KCNJ6: variants seen among roughly 807,000 people sequenced by gnomAD.
The protein encoded by KCNJ6 is potassium inwardly rectifying channel subfamily J member 6, also known as G protein-activated inward rectifier potassium channel 2.
KCNJ6 carries 9 observed loss-of-function variants against 34.2 expected under a neutral mutation model. The ratio of observed to expected loss-of-function variants is 0.26; its 90% CI spans 0.16 to 0.46. The LOEUF (loss-of-function observed/expected upper bound fraction) is 0.46. Ranked by LOEUF, KCNJ6 falls within the 20% of genes least tolerant of loss-of-function variation. The probability of loss-of-function intolerance (pLI) is 1.00; values close to 1 mark genes in which losing one functional copy is unlikely to be tolerated. For synonymous variants in KCNJ6, 196 were observed against 207.1 expected (o/e 0.95, Z 0.46); for missense variants, 236 against 531.3 (o/e 0.44, Z 5.46).
intron 2 of KCNJ6, among the ~76,000 whole-genome samples, chr21:37,748,059 G>T (rs2835928): frequency 0.21 from 32,536 of 152,050 alleles, 4,151 homozygotes; most frequent in East Asian, 0.35. Flanking sequence ...AATGTGTTGT[G>T]CAGACTTAGT....
chr21:37,796,779 C>CTTTCTTT (rs1299616786), intron 2 of KCNJ6, among the ~76,000 whole-genome samples: 5 of 71,474 alleles, frequency 7.0e-5, no homozygotes, highest in African/African-American at 2.5e-4. Flanking sequence ...TTCTTTCTTT[C>CTTTCTTT]TTTTTTTTTT....
chr21:37,754,858 C>G (rs1432319576), intron 2 of KCNJ6, among the ~76,000 whole-genome samples: 1 of 152,266 alleles, frequency 6.6e-6, no homozygotes. Context: ...GGGGCTGTTC[C>G]TAGGACTTGA....
chr21:37,762,658 C>A (rs570037846), intron 2 of KCNJ6, among the ~76,000 whole-genome samples: 1 of 152,136 alleles, frequency 6.6e-6, no homozygotes, highest in Non-Finnish European at 1.5e-5. Flanking sequence ...AGTGGGCTCA[C>A]CACGATGACA....
intron 1 of KCNJ6, among the ~76,000 whole-genome samples, chr21:37,880,899 A>G (rs1347322449): frequency 6.6e-6 from 1 of 152,208 alleles, no homozygotes; most frequent in Non-Finnish European, 1.5e-5. Context: ...CTTCAAAAGA[A>G]TTCAGAGAAC....
chr21:37,714,161 T>C lies in KCNJ6; in HGVS notation c.946+50A>G. ...AATAGATAAGAACATCAGGTCCAGT[T>C]TAAAATGAGCATCTATCCCACAGCC... is the stretch of plus-strand genomic sequence containing the variant. On this transcript the variant is annotated intron_variant, in intron 3 of 3. Coordinates refer to ENST00000609713, the MANE Select transcript of KCNJ6 (RefSeq NM_002240.5). This position sits in a 1 kb window ranked among gnomAD's most constrained non-coding sequence, Gnocchi z 5.9. The C allele has an allele frequency of 7.5e-7, 1 of 1,325,426 alleles. No individual in the cohort carries two copies. The highest frequency in any genetic ancestry group is 1.3e-5 in the South Asian group (1 of 76,676). 82.1% of individuals were successfully genotyped at this position (1,325,426 alleles called of 1,614,324 possible). A position where few individuals can be genotyped will look rare whatever the true frequency, so the allele number is the denominator to read the frequency against.
intron 2 of KCNJ6, among the ~76,000 whole-genome samples, chr21:37,837,424 G>C (rs2055457391): frequency 6.6e-6 from 1 of 152,072 alleles, no homozygotes; most frequent in African/African-American, 2.4e-5. Context: ...TGACTTTTTG[G>C]AGGTGGTTGA....
Position 37,715,150 on chromosome 21 carries a change from G to C in KCNJ6, c.26-19C>G, listed in dbSNP as rs181014343. ...ACGTTAGCTGGTGGTTTGGAGAAAA[G>C]AAAAGAAACACTGAATGAAAGGCTG... On this transcript the variant is annotated intron_variant, in intron 2 of 3. Transcript: ENST00000609713. 33 of 1,592,966 alleles carry C rather than the reference G, an allele frequency of 2.1e-5. No homozygotes were observed. In the East Asian group the frequency reaches 7.2e-4, roughly 35 times the overall value.
At chr21:37,635,738 A>C (rs1421294800) in intron 3 of KCNJ6, among the ~76,000 whole-genome samples, 1 of 152,094 alleles carries the variant, frequency 6.6e-6, no homozygotes, top group African/African-American at 2.4e-5. Context: ...GCTGGTCACG[A>C]GTTTCCAAGC....
intron 1 of KCNJ6, among the ~76,000 whole-genome samples, chr21:37,906,060 G>A (rs1016012994): frequency 6.6e-6 from 1 of 152,104 alleles, no homozygotes; most frequent in South Asian, 2.1e-4. Context: ...TTTATTTAAA[G>A]GATAATAAAT....
intron 2 of KCNJ6, among the ~76,000 whole-genome samples, chr21:37,741,251 C>T (rs1395148695): frequency 6.6e-6 from 1 of 152,194 alleles, no homozygotes; most frequent in Non-Finnish European, 1.5e-5. Flanking sequence ...CTCCATCTGT[C>T]CCTGAAGAGT....
chr21:37,652,778 G>C (rs1470121692), intron 3 of KCNJ6, among the ~76,000 whole-genome samples: 1 of 152,166 alleles, frequency 6.6e-6, no homozygotes, highest in African/African-American at 2.4e-5. Flanking sequence ...ATTTTCTGCA[G>C]GAAGAGGGGC....
chr21:37,737,634 T>C (rs2054919984), intron 2 of KCNJ6, among the ~76,000 whole-genome samples: 1 of 152,170 alleles, frequency 6.6e-6, no homozygotes, highest in Non-Finnish European at 1.5e-5. Context: ...CCAGTCATAG[T>C]CTATTTAGGG....
intron 2 of KCNJ6, among the ~76,000 whole-genome samples, chr21:37,729,776 C>A (rs1239684594): frequency 6.6e-6 from 1 of 152,246 alleles, no homozygotes; most frequent in African/African-American, 2.4e-5. Context: ...GAAACCTAGT[C>A]AATGCTTCCC....
At chr21:37,834,267 G>T (rs2055440933) in intron 2 of KCNJ6, among the ~76,000 whole-genome samples, 1 of 152,168 alleles carries the variant, frequency 6.6e-6, no homozygotes, top group Non-Finnish European at 1.5e-5. Context: ...TCTCCTATCT[G>T]CCCAGTCATC....
At chr21:37,826,408 A>C (rs1568862778) in intron 2 of KCNJ6, among the ~76,000 whole-genome samples, 1 of 152,060 alleles carries the variant, frequency 6.6e-6, no homozygotes, top group Non-Finnish European at 1.5e-5. Context: ...AAAAGTGAAA[A>C]AGTGGAGTCT....
At chr21:37,863,976 ATCAGCTTT>A (rs2055609040) in intron 1 of KCNJ6, among the ~76,000 whole-genome samples, 1 of 151,068 alleles carries the variant, frequency 6.6e-6, no homozygotes, top group Admixed American at 6.6e-5. Flanking sequence ...ATATGAAAAT[ATCAGCTTT>A]TCAGGCCAAT....
chr21:37,842,222 G>A (rs781384858), intron 1 of KCNJ6, among the ~76,000 whole-genome samples: 37 of 152,138 alleles, frequency 2.4e-4, no homozygotes, highest in Admixed American at 1.3e-4. Context: ...GTTTCACATT[G>A]TTGTGTTCCA....
chr21:37,851,263 C>T lies in KCNJ6; in HGVS notation c.-27-10554G>A, dbSNP rs555963216. 3.3e-5 allele frequency among the ~76,000 whole-genome samples: 5 copies of T among 152,286 alleles called. No homozygotes were observed. In the East Asian group the frequency reaches 9.6e-4, roughly 29 times the overall value. On this transcript the variant is annotated intron_variant, in intron 1 of 3. Coordinates refer to ENST00000609713, the MANE Select transcript of KCNJ6 (RefSeq NM_002240.5). Reference sequence around the variant, plus strand: ...TGCCACAGCATTGTCAATAGGACAGCAGAGAGTCCCAGTTATTGGAATAAC... The same window carrying T: ...TGCCACAGCATTGTCAATAGGACAGTAGAGAGTCCCAGTTATTGGAATAAC...
intron 3 of KCNJ6, among the ~76,000 whole-genome samples, chr21:37,705,229 A>C (rs1709815): frequency 0.17 from 25,896 of 152,104 alleles, 2,600 homozygotes; most frequent in East Asian, 0.38. Flanking sequence ...GGATTTGTGT[A>C]GGCTCCTCTA....
Sources: allele counts gnomAD v4.1 joint callset (sites outside exome capture counted in the v4.1 genomes callset), GRCh38; gene constraint gnomAD v4.1.1; non-coding constraint Gnocchi (gnomAD v3.1); transcripts MANE v1.5; gene names NCBI Gene and HGNC (gene_info 2026-07-23, HGNC 2026-07-21).